Variants in PPTC7 observed in about 807,000 individuals in gnomAD.
PPTC7 encodes protein phosphatase targeting COQ7.
A neutral mutation model predicts 30.8 loss-of-function variants in PPTC7; 6 were observed. The ratio of observed to expected loss-of-function variants is 0.19; its 90% CI spans 0.11 to 0.38. PPTC7 has a LOEUF of 0.38. Among genes scored for constraint, PPTC7 ranks in the 10% least tolerant of loss-of-function variants. The pLI is 1.00. For synonymous variants in PPTC7, 163 were observed against 168.1 expected (o/e 0.97, Z 0.23); for missense variants, 218 against 404.8 (o/e 0.54, Z 3.96).
At chr12:110,543,831 G>C (rs548899822) in intron 3 of PPTC7, among the ~76,000 whole-genome samples, 2 of 152,304 alleles carry the variant, frequency 1.3e-5, no homozygotes, top group South Asian at 4.1e-4. Flanking sequence ...TGGGCTCTAG[G>C]GGAAGCCACC....
chr12:110,558,375 G>A (rs545857566), intron 1 of PPTC7, among the ~76,000 whole-genome samples: 2 of 152,188 alleles, frequency 1.3e-5, no homozygotes, highest in Non-Finnish European at 2.9e-5. Flanking sequence ...CTGAATTAAT[G>A]ACTAGAAGGG....
chr12:110,561,470 T>C (rs1490962239), intron 1 of PPTC7, among the ~76,000 whole-genome samples: 7 of 152,116 alleles, frequency 4.6e-5, no homozygotes, highest in Non-Finnish European at 1.0e-4. Context: ...CCCACCACCA[T>C]GCTTGGCTAA....
intron 3 of PPTC7, among the ~76,000 whole-genome samples, chr12:110,540,901 G>A (rs967622521): frequency 2.6e-5 from 4 of 151,260 alleles, no homozygotes; most frequent in East Asian, 2.0e-4. Flanking sequence ...GCAGCCTCCC[G>A]AGTAGCTGGG....
At chr12:110,543,582 G>T (rs1019567089) in intron 3 of PPTC7, among the ~76,000 whole-genome samples, 1 of 152,146 alleles carries the variant, frequency 6.6e-6, no homozygotes, top group Admixed American at 6.5e-5. Context: ...TAATGACCAG[G>T]TTGGCACTGA....
intron 1 of PPTC7, among the ~76,000 whole-genome samples, chr12:110,573,176 G>A (rs576012885): frequency 1.8e-4 from 27 of 152,196 alleles, no homozygotes; most frequent in Admixed American, 6.5e-4. Flanking sequence ...CACCACGTCC[G>A]GCCCTATGGT....
intron 1 of PPTC7, among the ~76,000 whole-genome samples, chr12:110,553,115 G>GGA (rs1397922333): frequency 1.3e-5 from 2 of 151,392 alleles, no homozygotes; most frequent in Non-Finnish European, 2.9e-5. Flanking sequence ...CCTGGGAAGT[G>GGA]GAGGTTGCGG....
rs1463109701 is a variant in PPTC7 at position 110,534,117 on chromosome 12, TGGTAA to T, written c.*2915_*2919del. 2 of 147,578 alleles carry T rather than the reference TGGTAA, an allele frequency of 1.4e-5. No homozygotes were observed. Among genetic ancestry groups the T allele is most frequent in the Non-Finnish European group, 3.0e-5 (2 of 67,144 alleles). 9.1% of individuals were successfully genotyped at this position (147,578 alleles called of 1,614,324 possible). ...CTATGGACTCTACTGCATCTCCATTTGGTAAATTTTTTTTTTTTTTGTGCGCAGGC... is the reference window on the plus strand; with the variant it reads ...CTATGGACTCTACTGCATCTCCATTTATTTTTTTTTTTTTTGTGCGCAGGC... On this transcript the variant is annotated 3_prime_UTR_variant, in exon 6 of 6. Transcript: ENST00000354300.
rs1565918205 is a variant in PPTC7, at chr12:110,546,086, C to A, written c.404-8G>T. Reference sequence around the variant, plus strand: ...TGCAGGCGGTGCTGCTACCTAGAAACAAAAATCATCTCCATTTATTTTTTC... The same window carrying A: ...TGCAGGCGGTGCTGCTACCTAGAAAAAAAAATCATCTCCATTTATTTTTTC... On this transcript the variant is annotated splice_polypyrimidine_tract_variant and splice_region_variant and intron_variant, in intron 2 of 5. Coordinates refer to ENST00000354300, the MANE Select transcript of PPTC7 (RefSeq NM_139283.2). 6.2e-7 allele frequency: 1 copy of A among 1,611,396 alleles called. No individual in the cohort carries two copies. The highest frequency in any genetic ancestry group is 1.1e-5 in the South Asian group (1 of 90,938).
rs201243425 is a variant in PPTC7 at position 110,537,070 on chromosome 12, G to T, written c.882C>A (p.Val294=). ...VRGGKPDDIT[V]LLSIVAEYTD ...TATACTCAGCCACTATTGAAAGAAG[G>T]ACGGTGATGTCATCTGGCTTTCCAC... The change falls in exon 6 of 6, where the codon GTC becomes GTA. Residue 294 remains valine, a synonymous_variant. Transcript: ENST00000354300. 17 of 1,613,136 alleles carry T rather than the reference G, an allele frequency of 1.1e-5. No homozygotes were observed. The Middle Eastern group carries it at 1.3e-3, about 125-fold the overall frequency.
chr12:110,549,982 T>C (rs2064337852), intron 2 of PPTC7, among the ~76,000 whole-genome samples: 1 of 152,146 alleles, frequency 6.6e-6, no homozygotes, highest in South Asian at 2.1e-4. Context: ...GCATCTAGAA[T>C]GTTTCACTAT....
chr12:110,537,887 C>T (rs1028137693), intron 5 of PPTC7, among the ~76,000 whole-genome samples: 5 of 152,222 alleles, frequency 3.3e-5, no homozygotes, highest in African/African-American at 1.2e-4. Flanking sequence ...CCAAGCATTG[C>T]GGTGGCGGCA....
chr12:110,573,320 A>G (rs938805335), intron 1 of PPTC7, among the ~76,000 whole-genome samples: 2 of 152,214 alleles, frequency 1.3e-5, no homozygotes, highest in African/African-American at 4.8e-5. Flanking sequence ...GAAAATTGGA[A>G]ACAACCTAAA....
chr12:110,572,228 G>C (rs999614920), intron 1 of PPTC7, among the ~76,000 whole-genome samples: 3 of 152,116 alleles, frequency 2.0e-5, no homozygotes, highest in Admixed American at 2.0e-4. Flanking sequence ...GGTGGATCAC[G>C]AGGTCAGGAG....
rs149613654 is a variant in PPTC7 at position 110,560,877 on chromosome 12, A to C, written c.224-8909T>G. The stretch of plus-strand genomic sequence containing the variant: ...TTACATCAAGCCTCGCATTCCAAAG[A>C]AGCATACTGGCTCTACATGGATTGT... On this transcript the variant is annotated intron_variant, in intron 1 of 5. Transcript: ENST00000354300. 6.9e-3 allele frequency among the ~76,000 whole-genome samples: 1,044 copies of C among 152,320 alleles called. 1 individual carries two copies. Among genetic ancestry groups the C allele is most frequent in the Non-Finnish European group, 9.4e-3 (638 of 68,020 alleles).
rs917062176 is a variant in PPTC7, at chr12:110,534,398, G to A, written c.*2639C>T. The stretch of plus-strand genomic sequence containing the variant: ...GTTATAAAAGTCCATTACATGAGGC[G>A]TGTGTGTGTGTGTGTGTTGCTTAAA... On this transcript the variant is annotated 3_prime_UTR_variant, in exon 6 of 6. Transcript: ENST00000354300. 4 of 145,790 alleles carry A rather than the reference G, an allele frequency of 2.7e-5. No individual in the cohort carries two copies. Among genetic ancestry groups the A allele is most frequent in the African/African-American group, 7.5e-5 (3 of 39,902 alleles). The allele number at this position is 145,790 out of a possible 1,614,324, so 9.0% of individuals were successfully genotyped here.
Position 110,546,022 on chromosome 12 carries a change from C to T in PPTC7, c.460G>A (p.Ala154Thr). Residue 154 changes from alanine (A) to threonine (T), a missense_variant, in exon 3 of 6, where the codon GCA becomes ACA. Physicochemically the swap from Ala to Thr is moderately conservative, Grantham distance 58 (BLOSUM62 0). Coordinates refer to ENST00000354300, the MANE Select transcript of PPTC7 (RefSeq NM_139283.2). Reference sequence around the variant, plus strand: ...AGGAAGCCTGAATCGCCCAGGTTTGCTGTGTGTAAGCGGTGGCTGGTTCTG... The same window carrying T: ...AGGAAGCCTGAATCGCCCAGGTTTGTTGTGTGTAAGCGGTGGCTGGTTCTG... ...LDRTSHRLHT[A>T]NLGDSGFLVV... 1.2e-6 allele frequency: 2 copies of T among 1,614,190 alleles called. No homozygotes were observed. The highest frequency in any genetic ancestry group is 1.7e-6 in the Non-Finnish European group (2 of 1,180,028).
At chr12:110,576,417 T>C (rs961759421) in intron 1 of PPTC7, among the ~76,000 whole-genome samples, 2 of 152,176 alleles carry the variant, frequency 1.3e-5, no homozygotes, top group African/African-American at 4.8e-5. Context: ...ATACAAAAGC[T>C]TGCACACAAA....
intron 3 of PPTC7, among the ~76,000 whole-genome samples, chr12:110,540,168 CCGAGTAAA>C (rs779954431): frequency 3.3e-5 from 5 of 152,068 alleles, no homozygotes; most frequent in Non-Finnish European, 7.4e-5. Context: ...ACTGAAACTA[CCGAGTAAA>C]ACCAAGTCTG....
At position 110,540,730 on chromosome 12, in the gene PPTC7, C is replaced by G. The variant is rs528127745; in HGVS notation, c.603-785G>C. ...ATATTTGAATCTGGGTCCTGGAGTGCCATAGTGAGGGTGGGATGATGAATA... is the reference window on the plus strand; with the variant it reads ...ATATTTGAATCTGGGTCCTGGAGTGGCATAGTGAGGGTGGGATGATGAATA... On this transcript the variant is annotated intron_variant, in intron 3 of 5. Coordinates refer to ENST00000354300, the MANE Select transcript of PPTC7 (RefSeq NM_139283.2). Among the ~76,000 whole-genome samples the G allele has an allele frequency of 1.4e-3, 207 of 151,652 alleles. 1 individual carries two copies. Among genetic ancestry groups the G allele is most frequent in the African/African-American group, 4.8e-3 (198 of 41,334 alleles).
Sources: gnomAD v4.1 joint callset for allele counts (sites outside exome capture counted in the v4.1 genomes callset) on GRCh38, gnomAD v4.1.1 for gene constraint, MANE v1.5 for transcripts, NCBI Gene and HGNC (gene_info 2026-07-23, HGNC 2026-07-21) for gene names.